Variants in MEGF11 observed in about 807,000 individuals in gnomAD.
MEGF11 encodes multiple epidermal growth factor-like domains protein 11.
A neutral mutation model predicts 146.6 loss-of-function variants in MEGF11; 126 were observed. The observed-to-expected ratio is 0.86, with a 90% confidence interval of 0.74 to 1.00. The LOEUF is 1.00. Among genes scored for constraint, MEGF11 ranks in the 50% least tolerant of loss-of-function variants. The pLI is 0.00. For missense variants in MEGF11, 1,509 were observed against 1,521.2 expected, an observed-to-expected ratio of 0.99 and a Z score of 0.13; for synonymous variants, 532 against 583.4, an observed-to-expected ratio of 0.91 and a Z score of 1.27.
intron 1 of MEGF11, among the ~76,000 whole-genome samples, chr15:66,191,264 T>G (rs1449480774): frequency 6.6e-6 from 1 of 152,168 alleles, no homozygotes; most frequent in African/African-American, 2.4e-5. Flanking sequence ...AGGGCCGCTC[T>G]CCGGGCTGGC....
chr15:66,087,207 C>T (rs1234165987), intron 5 of MEGF11, among the ~76,000 whole-genome samples: 4 of 149,834 alleles, frequency 2.7e-5, no homozygotes, highest in Non-Finnish European at 3.0e-5. Context: ...ATGAGATAGA[C>T]GGCAACACAA....
intron 7 of MEGF11, among the ~76,000 whole-genome samples, chr15:65,976,970 C>T (rs2081469528): frequency 6.6e-6 from 1 of 151,972 alleles, no homozygotes; most frequent in African/African-American, 2.4e-5. Flanking sequence ...GAGATCGAGA[C>T]CGTCCTGTCT....
chr15:65,963,280 G>A (rs558617219), intron 9 of MEGF11, among the ~76,000 whole-genome samples: 29 of 152,128 alleles, frequency 1.9e-4, no homozygotes, highest in Non-Finnish European at 3.5e-4. Flanking sequence ...TAGCGCCTTG[G>A]AGCTCTCACT....
At chr15:66,034,816 T>A (rs963599173) in intron 5 of MEGF11, among the ~76,000 whole-genome samples, 42 of 146,430 alleles carry the variant, frequency 2.9e-4, no homozygotes, top group African/African-American at 1.2e-3. Flanking sequence ...GCCCTCATGA[T>A]GAATTAATGG....
chr15:66,130,296 T>C (rs557791331), intron 1 of MEGF11, among the ~76,000 whole-genome samples: 1 of 152,198 alleles, frequency 6.6e-6, no homozygotes, highest in South Asian at 2.1e-4. Flanking sequence ...AAATAAACAA[T>C]GGGACACAGA....
At chr15:66,192,242 GA>G (rs1447280188) in intron 1 of MEGF11, among the ~76,000 whole-genome samples, 1 of 151,838 alleles carries the variant, frequency 6.6e-6, no homozygotes, top group Non-Finnish European at 1.5e-5. Context: ...CCGAGGCGGG[GA>G]GATCACTTGA....
chr15:66,015,322 T>A (rs2082850626), intron 5 of MEGF11, among the ~76,000 whole-genome samples: 1 of 152,246 alleles, frequency 6.6e-6, no homozygotes, highest in African/African-American at 2.4e-5. Context: ...GCTCTGATGA[T>A]GCAAAAGTTG....
At chr15:66,253,376 C>G (rs2140280352) in intron 1 of MEGF11, among the ~76,000 whole-genome samples, 1 of 152,320 alleles carries the variant, frequency 6.6e-6, no homozygotes, top group East Asian at 1.9e-4. Flanking sequence ...TACATCCTGC[C>G]GGACCCCCTG....
intron 5 of MEGF11, among the ~76,000 whole-genome samples, chr15:66,062,276 G>A (rs2084938114): frequency 6.6e-6 from 1 of 152,238 alleles, no homozygotes; most frequent in Non-Finnish European, 1.5e-5. Flanking sequence ...CTAACTAATA[G>A]AATATGGCAA....
At chr15:66,131,329 G>A (rs974813035) in intron 1 of MEGF11, among the ~76,000 whole-genome samples, 5 of 152,264 alleles carry the variant, frequency 3.3e-5, no homozygotes, top group African/African-American at 4.8e-5. Context: ...GGCCTGGGCC[G>A]TGCTGTGGAG....
chr15:66,172,304 G>T (rs561867957), intron 1 of MEGF11, among the ~76,000 whole-genome samples: 8 of 152,196 alleles, frequency 5.3e-5, no homozygotes, highest in South Asian at 4.1e-4. Context: ...GAGCTGGAAG[G>T]CTACCTAGTC....
chr15:66,142,693 C>T (rs563831995), intron 1 of MEGF11, among the ~76,000 whole-genome samples: 7 of 152,222 alleles, frequency 4.6e-5, no homozygotes, highest in Admixed American at 3.9e-4. Flanking sequence ...AGAAACAGGC[C>T]GGGGACAAAA....
At chr15:66,009,654 G>A (rs28743118) in intron 5 of MEGF11, among the ~76,000 whole-genome samples, 3,181 of 150,944 alleles carry the variant, frequency 0.021, 105 homozygotes, top group African/African-American at 0.071. Context: ...GTGCAGTGGC[G>A]TGAGCTCGGT....
chr15:65,922,051 CT>C (rs539174824), intron 15 of MEGF11: 4 of 440,798 alleles, frequency 9.1e-6, no homozygotes, highest in South Asian at 2.4e-5. Context: ...GCTTGTTTCA[CT>C]TTTCATCCCT....
At chr15:65,955,347 A>G (rs1449307092) in intron 10 of MEGF11, among the ~76,000 whole-genome samples, 2 of 151,452 alleles carry the variant, frequency 1.3e-5, no homozygotes, top group Non-Finnish European at 2.9e-5. Flanking sequence ...CAAAGAGTTC[A>G]TTTTTACCCA....
chr15:66,041,401 A>C (rs1285881113), intron 5 of MEGF11, among the ~76,000 whole-genome samples: 1 of 152,216 alleles, frequency 6.6e-6, no homozygotes, highest in African/African-American at 2.4e-5. Flanking sequence ...CCTTCCTCAG[A>C]GGGTTTCCAT....
chr15:66,017,674 T>C lies in MEGF11; in HGVS notation c.395-35186A>G, dbSNP rs146365541. 7.0e-3 allele frequency among the ~76,000 whole-genome samples: 1,071 copies of C among 152,288 alleles called. 13 individuals carry two copies. Among genetic ancestry groups the C allele is most frequent in the Non-Finnish European group, 9.4e-3 (640 of 68,018 alleles). The stretch of plus-strand genomic sequence containing the variant: ...CAGTACCCACAGGCTCGGCTCCACT[T>C]GCTAGAGGGGTCTGAGAAGCCGAAG... On this transcript the variant is annotated intron_variant, in intron 5 of 25. Transcript: ENST00000395614.
chr15:66,200,115 A>T (rs1160730902), intron 1 of MEGF11, among the ~76,000 whole-genome samples: 1 of 152,254 alleles, frequency 6.6e-6, no homozygotes, highest in Non-Finnish European at 1.5e-5. Context: ...AGAAGGAAAC[A>T]TACCAAAATG....
intron 1 of MEGF11, among the ~76,000 whole-genome samples, chr15:66,169,867 T>C (rs908898450): frequency 1.8e-4 from 27 of 152,200 alleles, no homozygotes; most frequent in Non-Finnish European, 1.3e-4. Flanking sequence ...ACACACAGTT[T>C]GTACAACTGG....
Sources: allele counts gnomAD v4.1 joint callset (sites outside exome capture counted in the v4.1 genomes callset), GRCh38; gene constraint gnomAD v4.1.1; transcripts MANE v1.5; gene names NCBI Gene and HGNC (gene_info 2026-07-23, HGNC 2026-07-21).